The following ATP2C2 variants were observed in gnomAD, a reference collection of about 807,000 sequenced individuals.
The protein encoded by ATP2C2 is calcium-transporting ATPase type 2C member 2.
ATP2C2 carries 171 observed loss-of-function variants against 110.8 expected under a neutral mutation model. That is an observed-to-expected ratio of 1.54 (90% CI 1.36 to 1.75). The LOEUF (loss-of-function observed/expected upper bound fraction) is 1.75, where lower values mean the gene tolerates loss of function less well. ATP2C2 is among the 40% of genes most tolerant of loss of function. ATP2C2 has a pLI of 0.00. For synonymous variants in ATP2C2, 804 were observed against 508.4 expected (o/e 1.58, Z -7.82); for missense variants, 1,963 against 1,235.0 (o/e 1.59, Z -8.84).
At chr16:84,395,211 C>T (rs1904897262) in intron 1 of ATP2C2, among the ~76,000 whole-genome samples, 1 of 152,026 alleles carries the variant, frequency 6.6e-6, no homozygotes, top group Non-Finnish European at 1.5e-5. Context: ...CTCCTTTGGG[C>T]TCTGGACTCT....
intron 10 of ATP2C2, among the ~76,000 whole-genome samples, chr16:84,425,428 T>G (rs1358020777): frequency 6.6e-6 from 1 of 152,214 alleles, no homozygotes; most frequent in Non-Finnish European, 1.5e-5. Context: ...ATGTTCTGGA[T>G]ACACGCAGCC....
chr16:84,425,833 C>G, intron 11 of ATP2C2, 32 bp downstream of exon 11: 1 of 1,608,314 alleles, frequency 6.2e-7, no homozygotes, highest in Non-Finnish European at 8.5e-7. Flanking sequence ...CTTGCCTTGC[C>G]AGGGTGGTCA....
rs369939867 is a variant in ATP2C2 at position 84,408,511 on chromosome 16, C to T, written c.417+17C>T. ...ATCGCCACGGTGAGTTCCCTGACAG[C>T]GCTCGGCTCCCGGGCGGGCAGCCAC... On this transcript the variant is annotated intron_variant, in intron 4 of 26. Coordinates refer to ENST00000262429, the MANE Select transcript of ATP2C2 (RefSeq NM_014861.4). 324 of 1,606,120 alleles carry T rather than the reference C, an allele frequency of 2.0e-4. 1 individual carries two copies. Among genetic ancestry groups the T allele is most frequent in the Middle Eastern group, 3.3e-4 (2 of 6,064 alleles).
chr16:84,456,162 T>G (rs548025320), intron 21 of ATP2C2, among the ~76,000 whole-genome samples: 76 of 119,830 alleles, frequency 6.3e-4, no homozygotes, highest in Non-Finnish European at 9.9e-4. Context: ...TAGGGAGGAT[T>G]CCCTCTTTTT....
chr16:84,460,531 C>G (rs776967902), intron 23 of ATP2C2, 123 bp from the exon 24 acceptor site: 3 of 1,398,752 alleles, frequency 2.1e-6, no homozygotes, highest in African/African-American at 1.4e-5. Flanking sequence ...TGGGGGCGTT[C>G]AGCAAATGCC....
chr16:84,416,321 T>C (rs1054387746), intron 7 of ATP2C2, among the ~76,000 whole-genome samples: 9 of 152,222 alleles, frequency 5.9e-5, no homozygotes, highest in African/African-American at 1.9e-4. Flanking sequence ...CCATGATTTG[T>C]TGATGGGAGT....
chr16:84,445,868 A>G (rs1909701268), intron 15 of ATP2C2, among the ~76,000 whole-genome samples: 1 of 152,220 alleles, frequency 6.6e-6, no homozygotes, highest in African/African-American at 2.4e-5. Flanking sequence ...GGGGAAACTG[A>G]GATTCTGAGT....
At chr16:84,402,376 A>G (rs1905385051) in intron 2 of ATP2C2, among the ~76,000 whole-genome samples, 1 of 152,180 alleles carries the variant, frequency 6.6e-6, no homozygotes, top group Non-Finnish European at 1.5e-5. Flanking sequence ...TAGTGGTAAA[A>G]GTGGGTATCC....
In ATP2C2 at chr16:84,405,353, C is replaced by T. The variant is rs947174142; in HGVS notation, c.327+109C>T. On this transcript the variant is annotated intron_variant, in intron 3 of 26. Coordinates refer to ENST00000262429, the MANE Select transcript of ATP2C2 (RefSeq NM_014861.4). Reference sequence around the variant, plus strand: ...GAAGGCATCCTTGGACAGCTCCCGCCCCTTTCACGCTGCCCCAGCCAGCCT... The same window carrying T: ...GAAGGCATCCTTGGACAGCTCCCGCTCCTTTCACGCTGCCCCAGCCAGCCT... The T allele has an allele frequency of 2.7e-5, 25 of 909,654 alleles. No individual in the cohort carries two copies. The Middle Eastern group carries it at 1.6e-3, about 59-fold the overall frequency. 56.3% of individuals were successfully genotyped at this position (909,654 alleles called of 1,614,324 possible).
intron 4 of ATP2C2, among the ~76,000 whole-genome samples, chr16:84,409,963 A>C (rs1472584516): frequency 2.0e-5 from 3 of 152,166 alleles, no homozygotes; most frequent in Non-Finnish European, 1.5e-5. Flanking sequence ...TAATCCCAGC[A>C]CTTTGGGAGG....
Position 84,439,234 on chromosome 16 carries a change from T to A in ATP2C2, c.1055T>A (p.Leu352Gln). The change falls in exon 12 of 27, where the codon CTG becomes CAG. Residue 352 changes from leucine (L) to glutamine (Q), a missense_variant. Coordinates refer to ENST00000262429, the MANE Select transcript of ATP2C2 (RefSeq NM_014861.4). ...VVMVTLVLGV[L>Q]RMAKKRVIVK... ...ATGGTGACGCTGGTCCTGGGAGTGC[T>A]GCGGATGGCCAAGAAGCGGGTCATC... The A allele has an allele frequency of 1.2e-6, 2 of 1,612,324 alleles. No individual in the cohort carries two copies. Among genetic ancestry groups the A allele is most frequent in the Non-Finnish European group, 1.7e-6 (2 of 1,180,024 alleles).
At chr16:84,397,307 T>G (rs1428732416) in intron 1 of ATP2C2, among the ~76,000 whole-genome samples, 3 of 151,560 alleles carry the variant, frequency 2.0e-5, no homozygotes, top group Non-Finnish European at 4.4e-5. Flanking sequence ...ATTTAAAATG[T>G]CCCATAGAAC....
chr16:84,444,673 C>T (rs549840713), intron 15 of ATP2C2, among the ~76,000 whole-genome samples: 2 of 152,364 alleles, frequency 1.3e-5, no homozygotes, highest in Admixed American at 1.3e-4. Context: ...ACCCATGTGT[C>T]ACCTTGCTTC....
At chr16:84,438,973 G>C in intron 11 of ATP2C2, 193 bp from the exon 12 acceptor site, 1 of 690,350 alleles carries the variant, frequency 1.4e-6, no homozygotes, top group Non-Finnish European at 2.3e-6. Flanking sequence ...AGCGGGGTCT[G>C]CAGGGGAGGG....
chr16:84,455,194 G>A (rs1375642126), intron 21 of ATP2C2, among the ~76,000 whole-genome samples: 1 of 152,056 alleles, frequency 6.6e-6, no homozygotes, highest in African/African-American at 2.4e-5. Context: ...TGATGCCTGG[G>A]GCTAGTCACA....
chr16:84,384,542 C>G (rs1393772775), intron 1 of ATP2C2, among the ~76,000 whole-genome samples: 1 of 152,174 alleles, frequency 6.6e-6, no homozygotes, highest in East Asian at 1.9e-4. Flanking sequence ...CCAGGTTTCC[C>G]TTAATTAAAG....
At chr16:84,447,503 G>A (rs1026750008) in intron 16 of ATP2C2, among the ~76,000 whole-genome samples, 8 of 151,424 alleles carry the variant, frequency 5.3e-5, no homozygotes, top group African/African-American at 7.3e-5. Flanking sequence ...ATATGCAAAC[G>A]ACAACATCTG....
At chr16:84,431,406 G>T (rs968568882) in intron 11 of ATP2C2, among the ~76,000 whole-genome samples, 2 of 152,134 alleles carry the variant, frequency 1.3e-5, no homozygotes, top group African/African-American at 4.8e-5. Context: ...TGAGGCAGGA[G>T]AATCGCTTGA....
chr16:84,406,885 G>A (rs1054079493), intron 3 of ATP2C2, among the ~76,000 whole-genome samples: 18 of 151,948 alleles, frequency 1.2e-4, no homozygotes, highest in Admixed American at 8.5e-4. Flanking sequence ...CTGCTCTGTC[G>A]AAACCCACCG....
Sources: gnomAD v4.1 joint callset for allele counts (sites outside exome capture counted in the v4.1 genomes callset) on GRCh38, gnomAD v4.1.1 for gene constraint, MANE v1.5 for transcripts, NCBI Gene and HGNC (gene_info 2026-07-23, HGNC 2026-07-21) for gene names.